SMAD9: variants seen among roughly 807,000 people sequenced by gnomAD.
The protein encoded by SMAD9 is SMAD family member 9, also known as MAD homolog 9.
SMAD9 carries 36 observed loss-of-function variants against 46.1 expected under a neutral mutation model. The ratio of observed to expected loss-of-function variants is 0.78; its 90% CI spans 0.60 to 1.03. The LOEUF is 1.03. SMAD9 is among the 50% of genes least tolerant of loss of function. SMAD9 has a pLI of 0.00. For missense variants in SMAD9, 572 were observed against 599.8 expected (o/e 0.95, Z 0.48); for synonymous variants, 245 against 237.1 (o/e 1.03, Z -0.31).
At chr13:36,886,410 G>C (rs967471896) in intron 1 of SMAD9, among the ~76,000 whole-genome samples, 2 of 152,246 alleles carry the variant, frequency 1.3e-5, no homozygotes, top group Admixed American at 6.5e-5. Context: ...ATGTGAGAGA[G>C]AAGCCCTCCA....
chr13:36,901,101 C>T (rs572610679), intron 1 of SMAD9, among the ~76,000 whole-genome samples: 1 of 152,256 alleles, frequency 6.6e-6, no homozygotes, highest in African/African-American at 2.4e-5. Flanking sequence ...CATATTCCAC[C>T]TTTAGGTTAT....
intron 5 of SMAD9, among the ~76,000 whole-genome samples, chr13:36,856,170 C>T (rs866037685): frequency 2.0e-5 from 3 of 152,142 alleles, no homozygotes; most frequent in Admixed American, 6.5e-5. Context: ...CTGTGGGCTC[C>T]AAAGGGGAAA....
chr13:36,901,951 T>C (rs1566038090), intron 1 of SMAD9, among the ~76,000 whole-genome samples: 1 of 152,238 alleles, frequency 6.6e-6, no homozygotes, highest in Admixed American at 6.5e-5. Flanking sequence ...TTTCTGTATG[T>C]TGTCTTTTTA....
rs548718832 is a variant in SMAD9 at position 36,847,954 on chromosome 13, A to C, written c.*722T>G. ...GACCAAGTTCTGGTCTTATCTTGCAATCTGGGAAACAGCATTTCATGCTAT... is the reference window on the plus strand; with the variant it reads ...GACCAAGTTCTGGTCTTATCTTGCACTCTGGGAAACAGCATTTCATGCTAT... On this transcript the variant is annotated 3_prime_UTR_variant, in exon 7 of 7. Coordinates refer to ENST00000379826, the MANE Select transcript of SMAD9 (RefSeq NM_001127217.3). The C allele has an allele frequency of 1.3e-5, 2 of 152,240 alleles. No homozygotes were observed. The highest frequency in any genetic ancestry group is 4.8e-5 in the African/African-American group (2 of 41,440). 9.4% of individuals were successfully genotyped at this position (152,240 alleles called of 1,614,324 possible).
chr13:36,889,414 G>A (rs79177202), intron 1 of SMAD9, among the ~76,000 whole-genome samples: 6,599 of 152,126 alleles, frequency 0.043, 344 homozygotes, highest in East Asian at 0.18. Flanking sequence ...CATTCATCAC[G>A]AGCTCCTACT....
chr13:36,853,600 C>T lies in SMAD9; in HGVS notation c.1079G>A (p.Arg360Gln), dbSNP rs777628484. 6.2e-6 allele frequency: 10 copies of T among 1,614,094 alleles called. No homozygotes were observed. Among genetic ancestry groups the T allele is most frequent in the East Asian group, 2.2e-5 (1 of 44,868 alleles). Residue 360 changes from arginine to glutamine, a missense_variant, in exon 6 of 7, where the codon CGG becomes CAG. Transcript: ENST00000379826. ...GAAGCCGTGTTGATAGTTGCAGTTC[C>T]GGCTCTGCACAAAGATGCTGCTGTC... is the stretch of plus-strand genomic sequence containing the variant. ...VSDSSIFVQS[R>Q]NCNYQHGFHP...
chr13:36,898,312 C>T (rs1246191670), intron 1 of SMAD9, among the ~76,000 whole-genome samples: 1 of 151,432 alleles, frequency 6.6e-6, no homozygotes, highest in Non-Finnish European at 1.5e-5. Context: ...AATCACCAGG[C>T]CCACATGGTT....
intron 1 of SMAD9, among the ~76,000 whole-genome samples, chr13:36,914,892 G>A (rs1321920632): frequency 1.3e-5 from 2 of 152,308 alleles, no homozygotes; most frequent in South Asian, 2.1e-4. Context: ...CCACAAGTAC[G>A]TAGGACAAAA....
intron 2 of SMAD9, among the ~76,000 whole-genome samples, chr13:36,874,829 G>T (rs1034647053): frequency 3.2e-5 from 4 of 125,052 alleles, no homozygotes; most frequent in African/African-American, 1.3e-4. Context: ...CTGCACTCCA[G>T]CCTGGGCAGA....
intron 2 of SMAD9, among the ~76,000 whole-genome samples, chr13:36,878,376 CTACAG>C (rs2058367418): frequency 2.0e-5 from 3 of 152,100 alleles, no homozygotes; most frequent in Admixed American, 6.5e-5. Context: ...TTAGGATTGC[CTACAG>C]TATTTAGTAC....
At chr13:36,890,528 T>C (rs905310212) in intron 1 of SMAD9, among the ~76,000 whole-genome samples, 1 of 152,182 alleles carries the variant, frequency 6.6e-6, no homozygotes, top group African/African-American at 2.4e-5. Context: ...AGAAAACAGA[T>C]AAATTGTATT....
At chr13:36,887,788 G>A (rs2058459524) in intron 1 of SMAD9, among the ~76,000 whole-genome samples, 1 of 152,146 alleles carries the variant, frequency 6.6e-6, no homozygotes, top group Non-Finnish European at 1.5e-5. Context: ...GAAGGGAAGA[G>A]GAGTAAACGG....
intron 5 of SMAD9, among the ~76,000 whole-genome samples, chr13:36,862,304 C>T (rs963298881): frequency 1.9e-4 from 29 of 152,240 alleles, no homozygotes; most frequent in Admixed American, 1.7e-3. Flanking sequence ...ATACAGGTCA[C>T]AAAGACCCTG....
chr13:36,907,201 GAAGA>G (rs1566040771), intron 1 of SMAD9, among the ~76,000 whole-genome samples: 2 of 152,138 alleles, frequency 1.3e-5, no homozygotes, highest in African/African-American at 4.8e-5. Context: ...AATTCATAGA[GAAGA>G]AAGTAGAATG....
At chr13:36,915,025 A>G (rs1413973808) in intron 1 of SMAD9, among the ~76,000 whole-genome samples, 2 of 152,232 alleles carry the variant, frequency 1.3e-5, no homozygotes, top group East Asian at 1.9e-4. Context: ...GATGAAAAGT[A>G]AAAAACAGGC....
At chr13:36,881,913 G>A (rs2058406039) in intron 1 of SMAD9, among the ~76,000 whole-genome samples, 2 of 152,196 alleles carry the variant, frequency 1.3e-5, no homozygotes, top group South Asian at 4.1e-4. Context: ...TTATTAGTAA[G>A]TTGTGGTATA....
At chr13:36,872,266 G>A (rs922681915) in intron 3 of SMAD9, among the ~76,000 whole-genome samples, 3 of 151,598 alleles carry the variant, frequency 2.0e-5, no homozygotes, top group Non-Finnish European at 2.9e-5. Context: ...ATTGTTGAAA[G>A]AGGCAACCAA....
At chr13:36,883,621 G>C (rs1005703223) in intron 1 of SMAD9, among the ~76,000 whole-genome samples, 1 of 152,182 alleles carries the variant, frequency 6.6e-6, no homozygotes, top group Non-Finnish European at 1.5e-5. Context: ...CGTGGTGGCG[G>C]GTACATGTAG....
At chr13:36,873,601 G>A (rs1473183530) in intron 2 of SMAD9, among the ~76,000 whole-genome samples, 1 of 152,192 alleles carries the variant, frequency 6.6e-6, no homozygotes, top group Non-Finnish European at 1.5e-5. Flanking sequence ...AGTGGCTCAC[G>A]CCTGTAATAC....
Sources: allele counts gnomAD v4.1 joint callset (sites outside exome capture counted in the v4.1 genomes callset), GRCh38; gene constraint gnomAD v4.1.1; transcripts MANE v1.5; gene names NCBI Gene and HGNC (gene_info 2026-07-23, HGNC 2026-07-21).